The following CCSER1 variants were observed in gnomAD, a reference collection of about 807,000 sequenced individuals.
The protein encoded by CCSER1 is coiled-coil serine rich protein 1.
In CCSER1, 41 loss-of-function variants were observed where a neutral mutation model predicts 82.0. The observed-to-expected ratio is 0.50, with a 90% CI of 0.39 to 0.65. CCSER1 has a LOEUF of 0.65. Among genes scored for constraint, CCSER1 ranks in the 30% least tolerant of loss-of-function variants. CCSER1 has a pLI of 0.00. For missense variants in CCSER1, 1,119 were observed against 1,064.2 expected, an observed-to-expected ratio of 1.05 and a Z score of -0.72; for synonymous variants, 414 against 383.9, an observed-to-expected ratio of 1.08 and a Z score of -0.92.
intron 10 of CCSER1, among the ~76,000 whole-genome samples, chr4:91,558,005 A>G (rs1762482192): frequency 6.6e-6 from 1 of 151,220 alleles, no homozygotes; most frequent in African/African-American, 2.4e-5. Flanking sequence ...TACAATTAAT[A>G]GTACTTTAAA....
chr4:90,425,732 A>G (rs2153563467), intron 4 of CCSER1, among the ~76,000 whole-genome samples: 1 of 152,148 alleles, frequency 6.6e-6, no homozygotes, highest in Admixed American at 6.5e-5. Context: ...AATATTACCC[A>G]TTACTTTCAT....
intron 5 of CCSER1, among the ~76,000 whole-genome samples, chr4:90,512,910 A>G (rs1198372551): frequency 6.6e-6 from 1 of 152,212 alleles, no homozygotes; most frequent in Admixed American, 6.5e-5. Context: ...CAGAAATTAA[A>G]TCATTTATAA....
intron 8 of CCSER1, among the ~76,000 whole-genome samples, chr4:90,857,420 A>G (rs1764580986): frequency 1.3e-5 from 2 of 152,092 alleles, no homozygotes; most frequent in African/African-American, 2.4e-5. Context: ...AAGGGAGCAC[A>G]TGAGACGAGT....
intron 10 of CCSER1, among the ~76,000 whole-genome samples, chr4:91,236,213 C>T (rs562159874): frequency 1.1e-4 from 17 of 152,202 alleles, no homozygotes; most frequent in African/African-American, 3.4e-4. Flanking sequence ...TTCAGCCGGG[C>T]GCAGTGGCTC....
chr4:90,877,450 A>G (rs778709979), intron 8 of CCSER1, among the ~76,000 whole-genome samples: 7 of 152,142 alleles, frequency 4.6e-5, no homozygotes, highest in Non-Finnish European at 8.8e-5. Context: ...AAAGCTGAAT[A>G]TGGAACCTGG....
intron 9 of CCSER1, among the ~76,000 whole-genome samples, chr4:91,033,752 T>C (rs984690166): frequency 1.3e-5 from 2 of 152,144 alleles, no homozygotes; most frequent in African/African-American, 4.8e-5. Context: ...TTAAAGCTTC[T>C]TCATCAGTAG....
At chr4:90,257,594 T>G (rs1293490924) in intron 1 of CCSER1, among the ~76,000 whole-genome samples, 1 of 142,194 alleles carries the variant, frequency 7.0e-6, no homozygotes, top group Non-Finnish European at 1.5e-5. Flanking sequence ...GATACTTAGA[T>G]AGATAAAGAA....
At chr4:90,787,959 C>A (rs781020925) in intron 7 of CCSER1, among the ~76,000 whole-genome samples, 14 of 152,128 alleles carry the variant, frequency 9.2e-5, no homozygotes, top group Non-Finnish European at 1.9e-4. Context: ...TAAACTACTG[C>A]TACATACACT....
chr4:91,503,341 CAAAAAAA>C (rs530250350), intron 10 of CCSER1, among the ~76,000 whole-genome samples: 2 of 79,610 alleles, frequency 2.5e-5, no homozygotes, highest in East Asian at 7.4e-4. Context: ...TACTCCATCT[CAAAAAAA>C]AAAAAAAGAA....
intron 8 of CCSER1, among the ~76,000 whole-genome samples, chr4:90,900,743 G>A (rs896084817): frequency 1.8e-4 from 28 of 151,946 alleles, no homozygotes; most frequent in African/African-American, 6.8e-4. Context: ...AATGTTCCAT[G>A]AGCAGATAAG....
Position 90,569,154 on chromosome 4 carries a change from A to AT in CCSER1, c.1725-58870dup, listed in dbSNP as rs539236784. Among the ~76,000 whole-genome samples, 925 of 152,232 alleles carry AT rather than the reference A, an allele frequency of 6.1e-3. 10 individuals carry two copies. Among genetic ancestry groups the AT allele is most frequent in the African/African-American group, 0.021 (868 of 41,530 alleles). On this transcript the variant is annotated intron_variant, in intron 5 of 10. Coordinates refer to ENST00000509176, the MANE Select transcript of CCSER1 (RefSeq NM_001145065.2). ...TATAGGATTTTGCTTTGTAGTTAAC[A>AT]TGAGGCTTACAAAAACATATAACTG... is the stretch of plus-strand genomic sequence containing the variant.
rs189927272 is a variant in CCSER1 at position 91,321,007 on chromosome 4, A to C, written c.2217+235013A>C. Among the ~76,000 whole-genome samples, 24 of 152,170 alleles carry C rather than the reference A, an allele frequency of 1.6e-4. No individual in the cohort carries two copies. In the East Asian group the frequency reaches 4.6e-3, roughly 29 times the overall value. On this transcript the variant is annotated intron_variant, in intron 10 of 10. Coordinates refer to ENST00000509176, the MANE Select transcript of CCSER1 (RefSeq NM_001145065.2). ...TTGAAATTTTAAAACAGGCTTTGGA[A>C]TCATGATTGTTTTACCTTGTCTTAT...
At chr4:90,364,985 C>G (rs1470920768) in intron 3 of CCSER1, among the ~76,000 whole-genome samples, 2 of 151,478 alleles carry the variant, frequency 1.3e-5, no homozygotes, top group African/African-American at 2.4e-5. Context: ...TTAAGAAACA[C>G]CATCAGTATG....
intron 10 of CCSER1, among the ~76,000 whole-genome samples, chr4:91,356,973 T>TAACCTGCC (rs113532653): frequency 6.6e-6 from 1 of 152,108 alleles, no homozygotes; most frequent in African/African-American, 2.4e-5. Context: ...TCAGGGTCTC[T>TAACCTGCC]AACCTGCCAA....
intron 8 of CCSER1, among the ~76,000 whole-genome samples, chr4:90,921,445 A>G (rs1676464219): frequency 6.6e-6 from 1 of 152,012 alleles, no homozygotes; most frequent in African/African-American, 2.4e-5. Context: ...GGGAGTAACA[A>G]TGACATCCCT....
rs192576588 is a variant in CCSER1, at chr4:91,326,645, A to C, written c.2217+240651A>C. On this transcript the variant is annotated intron_variant, in intron 10 of 10. Coordinates refer to ENST00000509176, the MANE Select transcript of CCSER1 (RefSeq NM_001145065.2). Reference sequence around the variant, plus strand: ...CTTTCCAGCAGTTCCCCAGAGTCCTAACTCATTCCATCATTAAGTCAAAAG... The same window carrying C: ...CTTTCCAGCAGTTCCCCAGAGTCCTCACTCATTCCATCATTAAGTCAAAAG... 5.8e-3 allele frequency among the ~76,000 whole-genome samples: 889 copies of C among 152,088 alleles called. 4 individuals are homozygous for C. The highest frequency in any genetic ancestry group is 9.4e-3 in the Admixed American group (143 of 15,272).
intron 10 of CCSER1, among the ~76,000 whole-genome samples, chr4:91,166,859 A>C (rs1005142559): frequency 6.6e-6 from 1 of 152,166 alleles, no homozygotes; most frequent in African/African-American, 2.4e-5. Flanking sequence ...GGCAGAAATA[A>C]TTTTTTTTAA....
At chr4:90,881,596 A>G (rs1275544074) in intron 8 of CCSER1, among the ~76,000 whole-genome samples, 2 of 151,824 alleles carry the variant, frequency 1.3e-5, no homozygotes, top group Non-Finnish European at 2.9e-5. Context: ...ATGTGGTGAA[A>G]CCCCATCTCT....
intron 10 of CCSER1, among the ~76,000 whole-genome samples, chr4:91,282,029 T>G (rs1038417463): frequency 7.9e-5 from 12 of 152,204 alleles, no homozygotes; most frequent in Non-Finnish European, 1.5e-4. Flanking sequence ...TTGATGTAAC[T>G]TACAAAGTTA....
Sources: allele counts gnomAD v4.1 joint callset (sites outside exome capture counted in the v4.1 genomes callset), GRCh38; gene constraint gnomAD v4.1.1; transcripts MANE v1.5; gene names NCBI Gene and HGNC (gene_info 2026-07-23, HGNC 2026-07-21).